TRPM3: variants seen among roughly 807,000 people sequenced by gnomAD.
The protein encoded by TRPM3 is long transient receptor potential channel 3.
In TRPM3, 77 loss-of-function variants were observed where a neutral mutation model predicts 181.2. That is an observed-to-expected ratio of 0.42 (90% CI 0.35 to 0.51). The LOEUF is 0.51. Ranked by LOEUF, TRPM3 falls within the 20% of genes least tolerant of loss-of-function variation. The probability of loss-of-function intolerance (pLI) is 0.01; values close to 1 mark genes in which losing one functional copy is unlikely to be tolerated. For missense variants in TRPM3, 1,759 were observed against 2,196.7 expected, an observed-to-expected ratio of 0.80 and a Z score of 3.98; for synonymous variants, 745 against 796.4, an observed-to-expected ratio of 0.94 and a Z score of 1.09.
chr9:70,699,097 A>T (rs1313220584), intron 8 of TRPM3, among the ~76,000 whole-genome samples: 4 of 152,230 alleles, frequency 2.6e-5, no homozygotes, highest in African/African-American at 7.2e-5. Flanking sequence ...AATGACAAAT[A>T]GTCTATGTAA....
intron 1 of TRPM3, among the ~76,000 whole-genome samples, chr9:71,239,165 A>C (rs2081528004): frequency 6.6e-6 from 1 of 152,216 alleles, no homozygotes; most frequent in Non-Finnish European, 1.5e-5. Flanking sequence ...AGTGAAATTT[A>C]GCAACATTAA....
At chr9:70,553,420 C>G (rs2046912209) in intron 22 of TRPM3, 110 bp from the exon 23 acceptor site, 1 of 1,350,518 alleles carries the variant, frequency 7.4e-7, no homozygotes, top group African/African-American at 1.5e-5. Flanking sequence ...ATATAGCCAT[C>G]TCAAACAGAA....
chr9:70,832,239 A>T (rs927396077), intron 5 of TRPM3, among the ~76,000 whole-genome samples: 4 of 150,828 alleles, frequency 2.7e-5, no homozygotes, highest in African/African-American at 9.8e-5. Flanking sequence ...ACATGTATAC[A>T]TATGTAACTA....
intron 1 of TRPM3, among the ~76,000 whole-genome samples, chr9:71,354,288 C>G (rs935106958): frequency 1.3e-5 from 2 of 152,142 alleles, no homozygotes; most frequent in Non-Finnish European, 2.9e-5. Context: ...AAGTGAGGAA[C>G]ACAGATAAAG....
intron 1 of TRPM3, among the ~76,000 whole-genome samples, chr9:71,266,566 T>C (rs993298455): frequency 6.6e-6 from 1 of 152,198 alleles, no homozygotes; most frequent in East Asian, 1.9e-4. Flanking sequence ...GAGGCATAAA[T>C]AAAATAATTT....
At chr9:71,049,281 G>A (rs997953586) in intron 1 of TRPM3, among the ~76,000 whole-genome samples, 3 of 151,916 alleles carry the variant, frequency 2.0e-5, no homozygotes, top group African/African-American at 7.3e-5. Flanking sequence ...CCACACACAC[G>A]GCTCCACATC....
At chr9:70,649,859 A>C (rs1036597521) in intron 9 of TRPM3, among the ~76,000 whole-genome samples, 1 of 152,222 alleles carries the variant, frequency 6.6e-6, no homozygotes, top group Admixed American at 6.5e-5. Context: ...ACACATGCAC[A>C]TGAATTTTTA....
At chr9:70,630,688 G>A (rs1283517041) in intron 12 of TRPM3, among the ~76,000 whole-genome samples, 1 of 152,160 alleles carries the variant, frequency 6.6e-6, no homozygotes, top group East Asian at 1.9e-4. Context: ...TTGGTAATTG[G>A]TAAAGCCTGA....
intron 1 of TRPM3, among the ~76,000 whole-genome samples, chr9:71,261,844 G>A (rs1486262974): frequency 6.6e-6 from 1 of 152,174 alleles, no homozygotes; most frequent in Non-Finnish European, 1.5e-5. Context: ...CTGCAAAACA[G>A]CAAAGGTTCC....
intron 1 of TRPM3, among the ~76,000 whole-genome samples, chr9:71,183,885 A>T (rs1273560286): frequency 6.6e-6 from 1 of 152,132 alleles, no homozygotes; most frequent in Non-Finnish European, 1.5e-5. Context: ...TAGTAGAAGA[A>T]AGCACGGTTA....
At chr9:71,030,323 C>T (rs997695802) in intron 1 of TRPM3, among the ~76,000 whole-genome samples, 5 of 152,054 alleles carry the variant, frequency 3.3e-5, no homozygotes, top group African/African-American at 1.2e-4. Context: ...CCAGCACTTT[C>T]GTAGGCCGAG....
chr9:71,385,397 T>C (rs937641936), intron 1 of TRPM3, among the ~76,000 whole-genome samples: 1 of 152,236 alleles, frequency 6.6e-6, no homozygotes, highest in South Asian at 2.1e-4. Flanking sequence ...ATTTAACTTA[T>C]GGAACTTTTA....
chr9:71,415,377 T>A (rs1394106022), intron 1 of TRPM3, among the ~76,000 whole-genome samples: 1 of 152,084 alleles, frequency 6.6e-6, no homozygotes, highest in African/African-American at 2.4e-5. Flanking sequence ...ACTGTCATGA[T>A]TAGATGTAAA....
In TRPM3 at chr9:70,662,671, C is replaced by A. The variant is rs144160768; in HGVS notation, c.1345+18835G>T. On this transcript the variant is annotated intron_variant, in intron 9 of 25. Coordinates refer to ENST00000677713, the MANE Select transcript of TRPM3 (RefSeq NM_001366145.2). Reference sequence around the variant, plus strand: ...AACATCACTAATTCTCATGGAAATGCAAATCAAAACCACAGTGAGACACCA... The same window carrying A: ...AACATCACTAATTCTCATGGAAATGAAAATCAAAACCACAGTGAGACACCA... 3.4e-4 allele frequency among the ~76,000 whole-genome samples: 51 copies of A among 152,238 alleles called. 1 individual carries two copies. The highest frequency in any genetic ancestry group is 1.1e-3 in the African/African-American group (46 of 41,550).
chr9:70,845,538 C>A (rs957617818), intron 4 of TRPM3, among the ~76,000 whole-genome samples: 1 of 152,124 alleles, frequency 6.6e-6, no homozygotes, highest in Non-Finnish European at 1.5e-5. Context: ...CCATACCTGG[C>A]CCGAGATAAT....
At chr9:70,654,176 C>A (rs35505955) in intron 9 of TRPM3, among the ~76,000 whole-genome samples, 38,186 of 151,780 alleles carry the variant, frequency 0.25, 6,859 homozygotes, top group African/African-American at 0.51. Flanking sequence ...CAAAATTAAT[C>A]TCAGTTCAGC....
chr9:70,627,430 G>C (rs922460141), intron 12 of TRPM3, among the ~76,000 whole-genome samples: 1 of 151,964 alleles, frequency 6.6e-6, no homozygotes, highest in African/African-American at 2.4e-5. Flanking sequence ...ATGCCACCAT[G>C]CCCAGCTAAT....
At chr9:70,654,234 T>G (rs76085174) in intron 9 of TRPM3, among the ~76,000 whole-genome samples, 3,638 of 152,182 alleles carry the variant, frequency 0.024, 143 homozygotes, top group African/African-American at 0.081. Context: ...TTTTTATAGG[T>G]AAATGAGGGA....
intron 1 of TRPM3, among the ~76,000 whole-genome samples, chr9:71,108,227 A>T (rs2070182348): frequency 6.6e-6 from 1 of 152,224 alleles, no homozygotes; most frequent in Non-Finnish European, 1.5e-5. Flanking sequence ...ATATATTAGC[A>T]AAAGGTATAG....
Sources: gnomAD v4.1 joint callset for allele counts (sites outside exome capture counted in the v4.1 genomes callset) on GRCh38, gnomAD v4.1.1 for gene constraint, MANE v1.5 for transcripts, NCBI Gene and HGNC (gene_info 2026-07-23, HGNC 2026-07-21) for gene names.